LAMB4: variants seen among roughly 807,000 people sequenced by gnomAD.
LAMB4 encodes the protein laminin subunit beta 4, also known as laminin subunit beta-4.
In LAMB4, 196 loss-of-function variants were observed where a neutral mutation model predicts 199.2. The ratio of observed to expected loss-of-function variants is 0.98; its 90% CI spans 0.88 to 1.11. The LOEUF is 1.11. LAMB4 is among the 50% of genes least tolerant of loss of function. The pLI, the probability that LAMB4 is intolerant of heterozygous loss-of-function variation, is 0.00. For missense variants in LAMB4, 2,080 were observed against 2,171.2 expected (o/e 0.96, Z 0.83); for synonymous variants, 744 against 770.6 (o/e 0.97, Z 0.57).
chr7:108,083,567 T>C (rs2037041747), intron 14 of LAMB4, among the ~76,000 whole-genome samples: 1 of 152,132 alleles, frequency 6.6e-6, no homozygotes, highest in Admixed American at 6.6e-5. Context: ...AACCATACTA[T>C]CTGGAAGATG....
chr7:108,107,092 G>A (rs1481892596), intron 6 of LAMB4, among the ~76,000 whole-genome samples: 1 of 152,204 alleles, frequency 6.6e-6, no homozygotes, highest in Non-Finnish European at 1.5e-5. Flanking sequence ...TTGGGATGGA[G>A]TGACAGACAA....
At chr7:108,024,239 T>C in intron 33 of LAMB4, 61 bp from the exon 34 acceptor site, 2 of 962,582 alleles carry the variant, frequency 2.1e-6, no homozygotes, top group East Asian at 2.8e-5. Context: ...GCTGGATACC[T>C]ACATTATACC....
At chr7:108,013,618 C>T in the LAMB4 span, among the ~76,000 whole-genome samples, 4 of 152,112 alleles carry the variant, frequency 2.6e-5, no homozygotes, top group Admixed American at 2.0e-4. Context: ...TAATGAGGCT[C>T]ATGAGGACAT....
intron 21 of LAMB4, 71 bp from the exon 22 acceptor site, chr7:108,064,056 G>A (rs2036256718): frequency 9.0e-7 from 1 of 1,111,780 alleles, no homozygotes; most frequent in Non-Finnish European, 1.4e-6. Context: ...GATGGATGTT[G>A]TAAATAGAAA....
intron 28 of LAMB4, chr7:108,044,243 C>T (rs1406090248): frequency 1.1e-5 from 2 of 176,762 alleles, no homozygotes; most frequent in African/African-American, 4.7e-5. Flanking sequence ...GGACTACTTA[C>T]CTGCCATGGT....
Position 108,078,252 on chromosome 7 carries a change from G to A in LAMB4, c.1952C>T (p.Pro651Leu), listed in dbSNP as rs1563071578. Residue 651 changes from proline (P) to leucine (L), a missense_variant, in exon 16 of 34, where the codon CCC becomes CTC. Physicochemically the swap from Pro to Leu is moderately conservative, Grantham distance 98. Transcript: ENST00000388781. ...CTGAGGCTTTGACTGTAGAGTCTTGGGTATGCAGTGCTCACTCCCTCCAGG... is the reference window on the plus strand; with the variant it reads ...CTGAGGCTTTGACTGTAGAGTCTTGAGTATGCAGTGCTCACTCCCTCCAGG... ...NPPGGSEHCI[P>L]KTLQSKPQSF... 1.9e-6 allele frequency: 3 copies of A among 1,611,806 alleles called. No homozygotes were observed. The highest frequency in any genetic ancestry group is 1.7e-6 in the Non-Finnish European group (2 of 1,179,202).
rs1381788631 is a variant in LAMB4, at chr7:108,127,205, T to G, written c.-34+3101A>C. Among the ~76,000 whole-genome samples, 10 of 144,074 alleles carry G rather than the reference T, an allele frequency of 6.9e-5. No homozygotes were observed. The South Asian group carries it at 1.5e-3, about 22-fold the overall frequency. The allele number at this position is 144,074 out of a possible 152,430, so 94.5% of individuals were successfully genotyped here. On this transcript the variant is annotated intron_variant, in intron 1 of 33. Transcript: ENST00000388781. ...TTTTTTTGTGTTTTTTTTTTTTTTT[T>G]GAATCCTGCTTCCCGGGTCACATTC...
Position 108,090,553 on chromosome 7 carries a change from C to A in LAMB4, c.1701+1073G>T, listed in dbSNP as rs542711006. 4.7e-4 allele frequency among the ~76,000 whole-genome samples: 71 copies of A among 152,152 alleles called. 1 individual carries two copies. The highest frequency in any genetic ancestry group is 1.7e-3 in the African/African-American group (70 of 41,500). On this transcript the variant is annotated intron_variant, in intron 14 of 33. Transcript: ENST00000388781. ...CAGATGCTTTACTTACAACCCCTGG[C>A]TCAGAGCCGTATTGGCATACTTGAT...
intron 33 of LAMB4, among the ~76,000 whole-genome samples, chr7:108,027,165 A>G (rs538273948): frequency 2.0e-5 from 3 of 152,194 alleles, no homozygotes; most frequent in African/African-American, 4.8e-5. Flanking sequence ...CTTTCATGGT[A>G]TTGTCTGACA....
chr7:108,020,829 T>C (rs1048550208), downstream of LAMB4, among the ~76,000 whole-genome samples: 1 of 152,232 alleles, frequency 6.6e-6, no homozygotes, highest in African/African-American at 2.4e-5. Flanking sequence ...GTTGTTCCAC[T>C]GAATTAGAAT....
intron 33 of LAMB4, among the ~76,000 whole-genome samples, chr7:108,025,573 C>T (rs1051441711): frequency 2.6e-5 from 4 of 151,862 alleles, no homozygotes; most frequent in Non-Finnish European, 4.4e-5. Context: ...GGATTACAGG[C>T]ATAGGCCACC....
At chr7:108,061,739 CAAA>C (rs60564725) in intron 23 of LAMB4, among the ~76,000 whole-genome samples, 22 of 74,326 alleles carry the variant, frequency 3.0e-4, no homozygotes, top group African/African-American at 4.9e-4. Context: ...ACTCTTGTCT[CAAA>C]AAAAAAAAAA....
Position 108,109,263 on chromosome 7 carries a change from A to G in LAMB4, c.329-19T>C. ...TCAAGACCTAAGGAAGAATCCAGAA[A>G]GAAGAAAATCAGTGATTTTGAGAGA... On this transcript the variant is annotated intron_variant, in intron 4 of 33. Transcript: ENST00000388781. 1.3e-6 allele frequency: 2 copies of G among 1,582,410 alleles called. No individual in the cohort carries two copies. Among genetic ancestry groups the G allele is most frequent in the African/African-American group, 2.7e-5 (2 of 74,360 alleles).
At chr7:108,077,146 T>C in intron 16 of LAMB4, 82 bp from the exon 17 acceptor site, 3 of 1,431,050 alleles carry the variant, frequency 2.1e-6, no homozygotes, top group South Asian at 2.5e-5. Flanking sequence ...TTTGGTAGCA[T>C]TGCACTTGTA....
At chr7:108,082,791 T>C (rs2037005136) in intron 14 of LAMB4, among the ~76,000 whole-genome samples, 1 of 152,140 alleles carries the variant, frequency 6.6e-6, no homozygotes, top group Admixed American at 6.5e-5. Context: ...AAAAACACTA[T>C]TGCAAATCAG....
chr7:108,068,690 T>TTGTG (rs2036429070), intron 18 of LAMB4, among the ~76,000 whole-genome samples: 1 of 151,802 alleles, frequency 6.6e-6, no homozygotes, highest in Admixed American at 6.6e-5. Context: ...TTTTGTTTGT[T>TTGTG]TGTTTGTTTG....
intron 29 of LAMB4, among the ~76,000 whole-genome samples, chr7:108,039,285 A>G (rs2150502560): frequency 1.3e-5 from 2 of 152,290 alleles, no homozygotes; most frequent in Middle Eastern, 3.4e-3. Flanking sequence ...TTTGAGTGAC[A>G]TGACATGAAT....
rs1385123316 is a variant in LAMB4 at position 108,095,340 on chromosome 7, G to A, written c.1361-3C>T. 1 of 1,596,418 alleles carries A rather than the reference G, an allele frequency of 6.3e-7. No individual in the cohort carries two copies. Among genetic ancestry groups the A allele is most frequent in the Non-Finnish European group, 8.6e-7 (1 of 1,164,172 alleles). ...CCCAAGGGGGTTACAGTCGCAGGCT[G>A]AAAGCACAGCATACACAATTATTCT... On this transcript the variant is annotated splice_region_variant and splice_polypyrimidine_tract_variant and intron_variant, in intron 11 of 33. Transcript: ENST00000388781.
rs2035695421 is a variant in LAMB4 at position 108,048,066 on chromosome 7, C to T, written c.4168G>A (p.Gly1390Ser). The change falls in exon 28 of 34, where the codon GGC becomes AGC. Residue 1390 changes from glycine (G) to serine (S), a missense_variant. By Grantham distance (56) the Gly-to-Ser change is moderately conservative (BLOSUM62 0). Transcript: ENST00000388781. ...TTCCGGCCCGTGCAGAGAGCACCGC[C>T]ACAGGGCAAGGGCACACATGGCACA... ...GNVPCVPLPC[G>S]GALCTGRKGH... The T allele has an allele frequency of 1.2e-6, 2 of 1,614,106 alleles. No individual in the cohort carries two copies. Among genetic ancestry groups the T allele is most frequent in the South Asian group, 2.2e-5 (2 of 91,084 alleles).
Sources: gnomAD v4.1 joint callset for allele counts (sites outside exome capture counted in the v4.1 genomes callset) on GRCh38, gnomAD v4.1.1 for gene constraint, MANE v1.5 for transcripts, NCBI Gene and HGNC (gene_info 2026-07-23, HGNC 2026-07-21) for gene names.